GPR39: variants seen among roughly 807,000 people sequenced by gnomAD.
GPR39 encodes the protein G protein-coupled receptor 39, also known as zinc sensing receptor.
A neutral mutation model predicts 18.4 loss-of-function variants in GPR39; 23 were observed. The observed-to-expected ratio is 1.25, with a 90% CI of 0.90 to 1.77. The LOEUF (loss-of-function observed/expected upper bound fraction) is 1.77. GPR39 is among the 40% of genes most tolerant of loss of function. The pLI is 0.00. For missense variants in GPR39, 647 were observed against 602.4 expected (o/e 1.07, Z -0.78); for synonymous variants, 280 against 257.9 (o/e 1.09, Z -0.82).
intron 1 of GPR39, among the ~76,000 whole-genome samples, chr2:132,518,614 G>T (rs1266919687): frequency 6.6e-6 from 1 of 152,166 alleles, no homozygotes; most frequent in East Asian, 1.9e-4. Flanking sequence ...AGCCTTGACA[G>T]TGCTTTTGAG....
intron 1 of GPR39, among the ~76,000 whole-genome samples, chr2:132,569,153 G>A (rs1049263293): frequency 6.6e-6 from 1 of 152,018 alleles, no homozygotes; most frequent in Non-Finnish European, 1.5e-5. Flanking sequence ...ACACTTTTTG[G>A]TATATTTACT....
rs114123815 is a variant in GPR39, at chr2:132,543,911, A to C, written c.857-101190A>C. On this transcript the variant is annotated intron_variant, in intron 1 of 1. Coordinates refer to ENST00000329321, the MANE Select transcript of GPR39 (RefSeq NM_001508.3). ...AGCAAGGGCTTTTCAAGGCAGGGGT[A>C]CATTTCAGGAAAGCAGAAATTGCAG... Among the ~76,000 whole-genome samples, 543 of 152,336 alleles carry C rather than the reference A, an allele frequency of 3.6e-3. 2 individuals carry two copies. Among genetic ancestry groups the C allele is most frequent in the African/African-American group, 0.012 (504 of 41,576 alleles).
chr2:132,633,672 G>A (rs1230627712), intron 1 of GPR39, among the ~76,000 whole-genome samples: 2 of 152,058 alleles, frequency 1.3e-5, no homozygotes, highest in Non-Finnish European at 2.9e-5. Flanking sequence ...ACTGATGGTG[G>A]AGGAGGTGAT....
At chr2:132,470,735 A>T (rs2104782890) in intron 1 of GPR39, among the ~76,000 whole-genome samples, 1 of 90,974 alleles carries the variant, frequency 1.1e-5, no homozygotes, top group East Asian at 3.3e-4. Context: ...CAGCCTGGGC[A>T]GGGGAGACAG....
intron 1 of GPR39, among the ~76,000 whole-genome samples, chr2:132,572,084 G>T (rs1680449292): frequency 6.6e-6 from 1 of 152,156 alleles, no homozygotes; most frequent in South Asian, 2.1e-4. Context: ...TCCCCAGCCA[G>T]GAGAACTTGG....
At chr2:132,455,776 T>C (rs1422302677) in intron 1 of GPR39, among the ~76,000 whole-genome samples, 3 of 152,168 alleles carry the variant, frequency 2.0e-5, no homozygotes, top group South Asian at 2.1e-4. Context: ...TCAGTTTCCA[T>C]GTAGTTGTGC....
At chr2:132,619,176 T>G (rs2104857629) in intron 1 of GPR39, among the ~76,000 whole-genome samples, 1 of 152,316 alleles carries the variant, frequency 6.6e-6, no homozygotes, top group Non-Finnish European at 1.5e-5. Flanking sequence ...GAGATCATGG[T>G]GAGGTGCACA....
chr2:132,417,809 C>G lies in GPR39; in HGVS notation c.767C>G (p.Ser256Trp), dbSNP rs961319702. ...MQVLMKSQKG[S>W]LAGGTRPPQL... is the part of the protein sequence containing the mutation. Reference sequence around the variant, plus strand: ...GTGCTCATGAAAAGCCAGAAGGGCTCGCTGGCCGGGGGCACGCGGCCTCCG... The same window carrying G: ...GTGCTCATGAAAAGCCAGAAGGGCTGGCTGGCCGGGGGCACGCGGCCTCCG... The change falls in exon 1 of 2, where the codon TCG becomes TGG. Residue 256 changes from serine to tryptophan, a missense_variant. Ser to Trp is a radical substitution (Grantham distance 177, BLOSUM62 -3). Around this residue, in one of 3 missense-constraint regions of GPR39, gnomAD observed 581 missense variants for 506.8 expected, o/e 1.15. Coordinates refer to ENST00000329321, the MANE Select transcript of GPR39 (RefSeq NM_001508.3). 1.2e-6 allele frequency: 2 copies of G among 1,613,920 alleles called. No individual in the cohort carries two copies. The highest frequency in any genetic ancestry group is 1.7e-6 in the Non-Finnish European group (2 of 1,180,036).
intron 1 of GPR39, among the ~76,000 whole-genome samples, chr2:132,462,415 G>T (rs1263497859): frequency 6.6e-6 from 1 of 152,224 alleles, no homozygotes; most frequent in Non-Finnish European, 1.5e-5. Context: ...TGGTCCCTTT[G>T]ATAAGAAGGG....
chr2:132,565,063 C>T (rs1680324705), intron 1 of GPR39, among the ~76,000 whole-genome samples: 1 of 151,976 alleles, frequency 6.6e-6, no homozygotes, highest in African/African-American at 2.4e-5. Context: ...AGGTGATCCA[C>T]CTGCCTCAGC....
In GPR39 at chr2:132,422,946, C is replaced by T. The variant is rs1680042366; in HGVS notation, c.856+5048C>T. Among the ~76,000 whole-genome samples, 2 of 151,978 alleles carry T rather than the reference C, an allele frequency of 1.3e-5. 1 individual carries two copies. Among genetic ancestry groups the T allele is most frequent in the South Asian group, 4.2e-4 (2 of 4,798 alleles). On this transcript the variant is annotated intron_variant, in intron 1 of 1. Transcript: ENST00000329321. ...AGTGTAATAAGAGAGGCCTCAGTTG[C>T]ACAAAGCATTTGGCTTATTAGTGCT...
intron 1 of GPR39, among the ~76,000 whole-genome samples, chr2:132,603,948 T>G (rs66795948): frequency 0.24 from 36,663 of 151,906 alleles, 4,936 homozygotes; most frequent in African/African-American, 0.36. Flanking sequence ...GACAGGAAAA[T>G]GTATGTGCAC....
chr2:132,628,440 G>C (rs908047299), intron 1 of GPR39, among the ~76,000 whole-genome samples: 1 of 152,212 alleles, frequency 6.6e-6, no homozygotes, highest in Non-Finnish European at 1.5e-5. Flanking sequence ...CCTGGCAGGA[G>C]AGAGGAGGAG....
rs138740025 is a variant in GPR39 at position 132,434,454 on chromosome 2, T to G, written c.856+16556T>G. On this transcript the variant is annotated intron_variant, in intron 1 of 1. Coordinates refer to ENST00000329321, the MANE Select transcript of GPR39 (RefSeq NM_001508.3). ...TACCTTACCAGTAAGGAACTGCCTT[T>G]TAAAATTCTTTTAATATTGGACAGT... Among the ~76,000 whole-genome samples the G allele has an allele frequency of 4.0e-3, 605 of 152,282 alleles. 4 individuals are homozygous for G. Among genetic ancestry groups the G allele is most frequent in the African/African-American group, 0.013 (555 of 41,546 alleles).
intron 1 of GPR39, chr2:132,644,751 A>G (rs1302106712): frequency 4.2e-6 from 1 of 235,994 alleles, no homozygotes; most frequent in East Asian, 1.1e-4. Flanking sequence ...ACAAAAAAAG[A>G]CAAAACCAGA....
intron 1 of GPR39, among the ~76,000 whole-genome samples, chr2:132,419,592 A>G (rs1483544055): frequency 6.6e-6 from 1 of 152,192 alleles, no homozygotes; most frequent in Non-Finnish European, 1.5e-5. Context: ...CTACTACTCA[A>G]ATATTACAGA....
intron 1 of GPR39, among the ~76,000 whole-genome samples, chr2:132,463,744 G>C (rs896146829): frequency 7.2e-5 from 11 of 152,170 alleles, no homozygotes; most frequent in African/African-American, 2.7e-4. Context: ...TTGGTAGCTT[G>C]AAACAACAGT....
chr2:132,517,058 T>C (rs919288281), intron 1 of GPR39, among the ~76,000 whole-genome samples: 2 of 152,184 alleles, frequency 1.3e-5, no homozygotes, highest in Non-Finnish European at 2.9e-5. Flanking sequence ...ATGCGCATTT[T>C]TTTTTAAAAG....
At chr2:132,505,061 G>A (rs1238653567) in intron 1 of GPR39, among the ~76,000 whole-genome samples, 2 of 151,914 alleles carry the variant, frequency 1.3e-5, no homozygotes, top group Non-Finnish European at 2.9e-5. Flanking sequence ...ACCTAAAACT[G>A]GATAATTAAG....
Sources: gnomAD v4.1 joint callset for allele counts (sites outside exome capture counted in the v4.1 genomes callset) on GRCh38, gnomAD v4.1.1 for gene constraint, gnomAD v4.1.1 regional missense constraint, MANE v1.5 for transcripts, NCBI Gene and HGNC (gene_info 2026-07-23, HGNC 2026-07-21) for gene names.